CTSV: variants seen among roughly 807,000 people sequenced by gnomAD.
CTSV encodes cathepsin L2.
A neutral mutation model predicts 35.6 loss-of-function variants in CTSV; 33 were observed. The ratio of observed to expected loss-of-function variants is 0.93; its 90% CI spans 0.70 to 1.24. CTSV has a LOEUF of 1.24. CTSV is among the 50% of genes most tolerant of loss of function. The pLI is 0.00. For missense variants in CTSV, 408 were observed against 413.1 expected, an observed-to-expected ratio of 0.99 and a Z score of 0.11; for synonymous variants, 154 against 147.1, an observed-to-expected ratio of 1.05 and a Z score of -0.34.
chr9:97,037,754 C>A, intron 2 of CTSV, 139 bp from the exon 3 acceptor site: 3 of 1,409,960 alleles, frequency 2.1e-6, no homozygotes, highest in East Asian at 2.3e-5. Context: ...TTCTCCAAGC[C>A]AAGACACAAT....
chr9:97,038,103 C>T lies in CTSV; in HGVS notation c.-10-50G>A, dbSNP rs968646615. 6 of 1,537,904 alleles carry T rather than the reference C, an allele frequency of 3.9e-6. No individual in the cohort carries two copies. In the African/African-American group the frequency reaches 5.5e-5, roughly 14 times the overall value. On this transcript the variant is annotated intron_variant, in intron 1 of 7. Transcript: ENST00000259470. ...TCTGATTAGACCAATCCTAAAAAGC[C>T]ATCTTACAGCCCCCGTGGAATAGAA... is the stretch of plus-strand genomic sequence containing the variant.
chr9:97,036,286 T>C (rs1828848381), intron 5 of CTSV: 1 of 530,518 alleles, frequency 1.9e-6, no homozygotes, highest in Non-Finnish European at 3.4e-6. Context: ...TTAGCCAGGA[T>C]TGTCTTGATC....
At position 97,034,758 on chromosome 9, in the gene CTSV, C is replaced by T. The variant is rs145877427; in HGVS notation, c.873G>A (p.Ser291=). The part of the protein sequence containing the change: ...VVGYGFEGAN[S]NNSKYWLVKN... ...TGACGAGCCAATACTTGCTGTTATT[C>T]GAATTTGCTCCTTCAAAGCCGTAGC... Residue 291 remains serine (S), a synonymous_variant, in exon 7 of 8, where the codon TCG becomes TCA. Transcript: ENST00000259470. The T allele has an allele frequency of 8.4e-5, 136 of 1,613,830 alleles. No individual in the cohort carries two copies. Among genetic ancestry groups the T allele is most frequent in the Non-Finnish European group, 1.1e-4 (131 of 1,179,960 alleles).
chr9:97,030,252 TG>T lies in CTSV; in HGVS notation c.*2696del, dbSNP rs1366628765. 6.6e-6 allele frequency: 1 copy of T among 152,158 alleles called. No homozygotes were observed. The highest frequency in any genetic ancestry group is 1.9e-4 in the East Asian group (1 of 5,204). 9.4% of individuals were successfully genotyped at this position (152,158 alleles called of 1,614,324 possible). ...CACATGAACCACACATAGGGCTGAGTGGATGTTTCCTTATTGCTAAGTCCAT... is the reference window on the plus strand; with the variant it reads ...CACATGAACCACACATAGGGCTGAGTGATGTTTCCTTATTGCTAAGTCCAT... On this transcript the variant is annotated 3_prime_UTR_variant, in exon 8 of 8. Coordinates refer to ENST00000259470, the MANE Select transcript of CTSV (RefSeq NM_001333.4).
At position 97,037,482 on chromosome 9, in the gene CTSV, G is replaced by A. The variant is rs1462936381; in HGVS notation, c.249+11C>T. On this transcript the variant is annotated intron_variant, in intron 3 of 7. Coordinates refer to ENST00000259470, the MANE Select transcript of CTSV (RefSeq NM_001333.4). ...AGCAGCACAGAGTTCAGCAATCCTT[G>A]CCACACTCACCATGTCACCAAAAGC... 1.9e-6 allele frequency: 3 copies of A among 1,613,984 alleles called. No individual in the cohort carries two copies. The African/African-American group carries it at 4.0e-5, about 22-fold the overall frequency.
rs1405388463 is a variant in CTSV, at chr9:97,030,246, GCTGAGTGGA to G, written c.*2694_*2702del. On this transcript the variant is annotated 3_prime_UTR_variant, in exon 8 of 8. Coordinates refer to ENST00000259470, the MANE Select transcript of CTSV (RefSeq NM_001333.4). ...AACATACACATGAACCACACATAGG[GCTGAGTGGA>G]TGTTTCCTTATTGCTAAGTCCATAG... The G allele has an allele frequency of 6.6e-5, 10 of 152,250 alleles. No homozygotes were observed. The highest frequency in any genetic ancestry group is 5.2e-4 in the Admixed American group (8 of 15,300). The allele number at this position is 152,250 out of a possible 1,614,324, so 9.4% of individuals were successfully genotyped here. A position where few individuals can be genotyped will look rare whatever the true frequency, so the allele number is the denominator to read the frequency against.
intron 1 of CTSV, 103 bp downstream of exon 1, chr9:97,038,968 T>G (rs1638998670): frequency 6.6e-6 from 1 of 152,304 alleles, no homozygotes. Context: ...GGGCAGAAGC[T>G]CTCACTCCCA....
chr9:97,033,027 C>A lies in CTSV; in HGVS notation c.927G>T (p.Ser309=). 1.2e-6 allele frequency: 2 copies of A among 1,612,654 alleles called. No individual in the cohort carries two copies. Among genetic ancestry groups the A allele is most frequent in the Non-Finnish European group, 1.7e-6 (2 of 1,179,420 alleles). The part of the protein sequence containing the change: ...VKNSWGPEWG[S]NGYVKIAKDK... Reference sequence around the variant, plus strand: ...CTTTGGCTATTTTTACATAGCCATTCGAGCCCCATTCTGGACCCCAGCTGA... The same window carrying A: ...CTTTGGCTATTTTTACATAGCCATTAGAGCCCCATTCTGGACCCCAGCTGA... Residue 309 remains serine, a synonymous_variant, in exon 8 of 8, where the codon TCG becomes TCT. Coordinates refer to ENST00000259470, the MANE Select transcript of CTSV (RefSeq NM_001333.4).
chr9:97,036,996 A>T (rs911979257), intron 4 of CTSV, among the ~76,000 whole-genome samples: 1 of 152,052 alleles, frequency 6.6e-6, no homozygotes, highest in African/African-American at 2.4e-5. Context: ...AATCCCAGCT[A>T]CTCGGGAGGT....
intron 7 of CTSV, 120 bp downstream of exon 7, chr9:97,034,606 T>C (rs769524538): frequency 2.3e-4 from 165 of 727,708 alleles, no homozygotes; most frequent in Non-Finnish European, 3.7e-4. Flanking sequence ...AACATTAATA[T>C]TTCTGTGTTC....
chr9:97,039,358 C>T, upstream of CTSV: 1 of 153,060 alleles, frequency 6.5e-6, no homozygotes, highest in Non-Finnish European at 1.5e-5. Context: ...CCGGGGGCTG[C>T]GCGGAGGAGG....
At chr9:97,039,583 C>T (rs1171547979), upstream of CTSV, 1 of 152,084 alleles carries the variant, frequency 6.6e-6, no homozygotes, top group Admixed American at 6.5e-5. Context: ...TGGAAGAACG[C>T]ACAGCCCCCA....
Position 97,032,874 on chromosome 9 carries a change from G to T in CTSV, c.*75C>A. The T allele has an allele frequency of 1.0e-6, 1 of 967,568 alleles. No individual in the cohort carries two copies. The highest frequency in any genetic ancestry group is 1.6e-6 in the Non-Finnish European group (1 of 635,814). 59.9% of individuals were successfully genotyped at this position (967,568 alleles called of 1,614,324 possible). A position where few individuals can be genotyped will look rare whatever the true frequency, so the allele number is the denominator to read the frequency against. On this transcript the variant is annotated 3_prime_UTR_variant, in exon 8 of 8. Coordinates refer to ENST00000259470, the MANE Select transcript of CTSV (RefSeq NM_001333.4). ...TCAACTGGTTTATCTTACACAATAAGCGTTTGGTCAGTTTCAAGATAAAAT... is the reference window on the plus strand; with the variant it reads ...TCAACTGGTTTATCTTACACAATAATCGTTTGGTCAGTTTCAAGATAAAAT...
At chr9:97,037,890 C>A in intron 2 of CTSV, 28 bp downstream of exon 2, 1 of 1,610,608 alleles carries the variant, frequency 6.2e-7, no homozygotes, top group Non-Finnish European at 8.5e-7. Context: ...CTCCAGAGTC[C>A]CTCTGGACAG....
rs1431583786 is a variant in CTSV, at chr9:97,030,241, A to G, written c.*2708T>C. The G allele has an allele frequency of 1.3e-5, 2 of 152,236 alleles. No homozygotes were observed. The highest frequency in any genetic ancestry group is 1.9e-4 in the East Asian group (1 of 5,206). The allele number at this position is 152,236 out of a possible 1,614,324, so 9.4% of individuals were successfully genotyped here. On this transcript the variant is annotated 3_prime_UTR_variant, in exon 8 of 8. Transcript: ENST00000259470. ...GGCAAAACATACACATGAACCACAC[A>G]TAGGGCTGAGTGGATGTTTCCTTAT...
In CTSV at chr9:97,031,392, C is replaced by T. The variant is rs1828743206; in HGVS notation, c.*1557G>A. The T allele has an allele frequency of 6.6e-6, 1 of 152,206 alleles. No homozygotes were observed. Among genetic ancestry groups the T allele is most frequent in the South Asian group, 2.1e-4 (1 of 4,832 alleles). The allele number at this position is 152,206 out of a possible 1,614,324, so 9.4% of individuals were successfully genotyped here. A position where few individuals can be genotyped will look rare whatever the true frequency, so the allele number is the denominator to read the frequency against. ...TTTCGATTAAATTTCACCAGCTCATCCCCGGTAATTTTTTATTTGACTGGA... is the reference window on the plus strand; with the variant it reads ...TTTCGATTAAATTTCACCAGCTCATTCCCGGTAATTTTTTATTTGACTGGA... On this transcript the variant is annotated 3_prime_UTR_variant, in exon 8 of 8. Transcript: ENST00000259470.
rs747183554 is a variant in CTSV, at chr9:97,036,506, T to TAA, written c.621+15_621+16dup. The TAA allele has an allele frequency of 6.4e-7, 1 of 1,572,594 alleles. No individual in the cohort carries two copies. The highest frequency in any genetic ancestry group is 8.8e-7 in the Non-Finnish European group (1 of 1,142,168). The stretch of plus-strand genomic sequence containing the variant: ...CAAAAGCAGAGCACGAATGACAAGA[T>TAA]AAGGAGCTCCATTTACCACTGCTAC... On this transcript the variant is annotated intron_variant, in intron 5 of 7. Transcript: ENST00000259470.
intron 7 of CTSV, 145 bp downstream of exon 7, chr9:97,034,581 G>A (rs544843919): frequency 3.4e-5 from 22 of 646,838 alleles, no homozygotes; most frequent in African/African-American, 2.5e-4. Context: ...AGCTTGGTAC[G>A]GAATCTTATA....
At chr9:97,036,073 ATT>A (rs35372861) in intron 5 of CTSV, among the ~76,000 whole-genome samples, 12 of 144,092 alleles carry the variant, frequency 8.3e-5, no homozygotes, top group African/African-American at 1.8e-4. Flanking sequence ...AAGGCTAATA[ATT>A]TTTTTTTTTT....
Sources: allele counts gnomAD v4.1 joint callset (sites outside exome capture counted in the v4.1 genomes callset), GRCh38; gene constraint gnomAD v4.1.1; transcripts MANE v1.5; gene names NCBI Gene and HGNC (gene_info 2026-07-23, HGNC 2026-07-21).